UNC5C: variants seen among roughly 807,000 people sequenced by gnomAD.
UNC5C encodes unc-5 netrin receptor C, also known as netrin receptor UNC5C.
Under a neutral mutation model 99.8 loss-of-function variants are expected in UNC5C, and 47 were observed. The ratio of observed to expected loss-of-function variants is 0.47; its 90% CI spans 0.37 to 0.60. The LOEUF is 0.60. Among genes scored for constraint, UNC5C ranks in the 20% least tolerant of loss-of-function variants. UNC5C has a pLI of 0.00. For synonymous variants in UNC5C, 487 were observed against 452.2 expected, an observed-to-expected ratio of 1.08 and a Z score of -0.98; for missense variants, 1,062 against 1,165.9, an observed-to-expected ratio of 0.91 and a Z score of 1.30.
chr4:95,399,547 T>C (rs1032713595), intron 1 of UNC5C, among the ~76,000 whole-genome samples: 1 of 152,226 alleles, frequency 6.6e-6, no homozygotes, highest in African/African-American at 2.4e-5. Context: ...CCCACTTTTA[T>C]CTATCCACAG....
rs572609161 is a variant in UNC5C, at chr4:95,208,402, C to T, written c.1734-1606G>A. On this transcript the variant is annotated intron_variant, in intron 10 of 15. Transcript: ENST00000453304. ...AAAGGCTCTTAGGCTAAGTCTGGTT[C>T]CATGATTGTAATGATGGCTTTTAAA... 2.6e-5 allele frequency among the ~76,000 whole-genome samples: 4 copies of T among 152,296 alleles called. No individual in the cohort carries two copies. The South Asian group carries it at 8.3e-4, about 32-fold the overall frequency.
intron 8 of UNC5C, 116 bp from the exon 9 acceptor site, chr4:95,219,429 GAGAT>G (rs1738383984): frequency 4.3e-6 from 4 of 935,312 alleles, no homozygotes; most frequent in Non-Finnish European, 4.9e-6. Context: ...GCTAATATCG[GAGAT>G]AGATAGACAG....
chr4:95,473,375 C>A (rs917665604), intron 1 of UNC5C, among the ~76,000 whole-genome samples: 1 of 152,018 alleles, frequency 6.6e-6, no homozygotes, highest in African/African-American at 2.4e-5. Context: ...GCTTAAGTTC[C>A]CACTTTGTAG....
chr4:95,480,844 T>C (rs1721127817), intron 1 of UNC5C, among the ~76,000 whole-genome samples: 1 of 151,948 alleles, frequency 6.6e-6, no homozygotes, highest in Non-Finnish European at 1.5e-5. Flanking sequence ...AATTAGGTAT[T>C]GATGGGACGT....
intron 1 of UNC5C, among the ~76,000 whole-genome samples, chr4:95,429,436 C>T (rs1011540891): frequency 6.6e-6 from 1 of 151,976 alleles, no homozygotes; most frequent in Admixed American, 6.6e-5. Flanking sequence ...TTGCTCAGAA[C>T]TTGATCCAGA....
At chr4:95,181,507 T>TGTCA (rs1456460306) in intron 14 of UNC5C, among the ~76,000 whole-genome samples, 10 of 152,082 alleles carry the variant, frequency 6.6e-5, no homozygotes, top group African/African-American at 2.2e-4. Flanking sequence ...CAGCCTTTGT[T>TGTCA]GTCACTGGAG....
chr4:95,362,706 A>T (rs1744431192), intron 1 of UNC5C, among the ~76,000 whole-genome samples: 1 of 152,162 alleles, frequency 6.6e-6, no homozygotes, highest in South Asian at 2.1e-4. Context: ...ATTTTTGGAA[A>T]GTTCTTACTT....
intron 1 of UNC5C, among the ~76,000 whole-genome samples, chr4:95,459,966 T>A (rs1490964371): frequency 6.6e-6 from 1 of 152,208 alleles, no homozygotes. Context: ...TTATTTTAAA[T>A]GGCAACAGAT....
chr4:95,493,138 A>G (rs1295128725), intron 1 of UNC5C, among the ~76,000 whole-genome samples: 1 of 151,534 alleles, frequency 6.6e-6, no homozygotes, highest in East Asian at 1.9e-4. Flanking sequence ...ATTCCAAATT[A>G]AAATAAAGAT....
chr4:95,357,132 T>TTG (rs1744233356), intron 1 of UNC5C, among the ~76,000 whole-genome samples: 1 of 94,596 alleles, frequency 1.1e-5, no homozygotes, highest in African/African-American at 6.6e-5. Context: ...TTTCCTTTTT[T>TTG]TTGTTTTTTT....
intron 1 of UNC5C, among the ~76,000 whole-genome samples, chr4:95,535,184 G>C (rs1294717641): frequency 6.6e-6 from 1 of 152,088 alleles, no homozygotes. Context: ...TGGAACAAAA[G>C]TGTGTTGACT....
At chr4:95,514,078 T>C (rs1722149327) in intron 1 of UNC5C, among the ~76,000 whole-genome samples, 2 of 152,186 alleles carry the variant, frequency 1.3e-5, no homozygotes, top group African/African-American at 2.4e-5. Context: ...TTTCTGAGAA[T>C]AACCAGTGTT....
At chr4:95,234,703 T>A (rs1003533693) in intron 7 of UNC5C, among the ~76,000 whole-genome samples, 1 of 152,202 alleles carries the variant, frequency 6.6e-6, no homozygotes, top group Non-Finnish European at 1.5e-5. Flanking sequence ...AGGTCTTAAT[T>A]TGAAGGCACC....
intron 1 of UNC5C, among the ~76,000 whole-genome samples, chr4:95,380,845 TTTAA>T (rs1745048640): frequency 6.6e-6 from 1 of 152,194 alleles, no homozygotes; most frequent in Admixed American, 6.5e-5. Context: ...TTGAGCCCAC[TTTAA>T]TTAACTTAAC....
intron 1 of UNC5C, among the ~76,000 whole-genome samples, chr4:95,540,875 A>T (rs1297176987): frequency 6.6e-6 from 1 of 152,178 alleles, no homozygotes; most frequent in Admixed American, 6.5e-5. Flanking sequence ...CAGATCTCCA[A>T]AAATCATGTA....
At chr4:95,326,280 A>G (rs746180208) in intron 2 of UNC5C, among the ~76,000 whole-genome samples, 1 of 152,150 alleles carries the variant, frequency 6.6e-6, no homozygotes, top group Non-Finnish European at 1.5e-5. Flanking sequence ...AAGATGAAAA[A>G]GGAAAATCTC....
chr4:95,538,640 C>CA (rs1416315561), intron 1 of UNC5C, among the ~76,000 whole-genome samples: 1 of 152,092 alleles, frequency 6.6e-6, no homozygotes, highest in Admixed American at 6.6e-5. Flanking sequence ...AGAAAACATT[C>CA]AAAACAGTTT....
chr4:95,339,557 G>A (rs1255545423), intron 1 of UNC5C, among the ~76,000 whole-genome samples: 1 of 152,000 alleles, frequency 6.6e-6, no homozygotes, highest in South Asian at 2.1e-4. Flanking sequence ...AAGGACATCA[G>A]TGAGTACATC....
rs115771265 is a variant in UNC5C at position 95,436,764 on chromosome 4, G to A, written c.125-101133C>T. ...ATAAAACAATTGAGGAAGGGTGTGG[G>A]AAAGATGCCCTCATGACATTATGCT... is the stretch of plus-strand genomic sequence containing the variant. On this transcript the variant is annotated intron_variant, in intron 1 of 15. Coordinates refer to ENST00000453304, the MANE Select transcript of UNC5C (RefSeq NM_003728.4). Among the ~76,000 whole-genome samples, 8 of 151,906 alleles carry A rather than the reference G, an allele frequency of 5.3e-5. No homozygotes were observed. In the East Asian group the frequency reaches 1.2e-3, roughly 22 times the overall value.
Sources: gnomAD v4.1 joint callset for allele counts (sites outside exome capture counted in the v4.1 genomes callset) on GRCh38, gnomAD v4.1.1 for gene constraint, MANE v1.5 for transcripts, NCBI Gene and HGNC (gene_info 2026-07-23, HGNC 2026-07-21) for gene names.